The following LRP1B variants were observed in gnomAD, a reference collection of about 807,000 sequenced individuals.
The protein encoded by LRP1B is low-density lipoprotein receptor-related protein 1B.
A neutral mutation model predicts 556.6 loss-of-function variants in LRP1B; 217 were observed. That is an observed-to-expected ratio of 0.39 (90% confidence interval 0.35 to 0.44). The LOEUF is 0.44. Ranked by LOEUF, LRP1B falls within the 20% of genes least tolerant of loss-of-function variation. LRP1B has a pLI of 1.00. For missense variants in LRP1B, 5,053 were observed against 5,620.8 expected (o/e 0.90, Z 3.23); for synonymous variants, 2,047 against 1,865.8 (o/e 1.10, Z -2.50).
intron 2 of LRP1B, among the ~76,000 whole-genome samples, chr2:141,536,447 G>A (rs1008295070): frequency 6.6e-6 from 1 of 151,994 alleles, no homozygotes; most frequent in Admixed American, 6.6e-5. Flanking sequence ...TTTTGTGAAT[G>A]CTATACCCAT....
intron 7 of LRP1B, among the ~76,000 whole-genome samples, chr2:141,176,358 T>A (rs1054266986): frequency 1.3e-5 from 2 of 152,078 alleles, no homozygotes; most frequent in South Asian, 4.1e-4. Flanking sequence ...GAGAGGTGAC[T>A]GGATCATGAG....
At chr2:141,516,252 A>G (rs1405787100) in intron 2 of LRP1B, among the ~76,000 whole-genome samples, 1 of 152,176 alleles carries the variant, frequency 6.6e-6, no homozygotes, top group Non-Finnish European at 1.5e-5. Context: ...AACACTCAGA[A>G]GCATTTCAAA....
chr2:140,506,963 T>C, intron 52 of LRP1B, 45 bp from the exon 53 acceptor site: 1 of 1,590,286 alleles, frequency 6.3e-7, no homozygotes. Flanking sequence ...AGCACATATG[T>C]TATCTTCCCC....
At chr2:140,417,609 T>C (rs912769709) in intron 66 of LRP1B, among the ~76,000 whole-genome samples, 1 of 152,138 alleles carries the variant, frequency 6.6e-6, no homozygotes, top group African/African-American at 2.4e-5. Flanking sequence ...CTTTGAATAA[T>C]TACATATCAG....
At chr2:141,130,201 A>G (rs1368220992) in intron 7 of LRP1B, among the ~76,000 whole-genome samples, 2 of 152,078 alleles carry the variant, frequency 1.3e-5, no homozygotes, top group Non-Finnish European at 2.9e-5. Context: ...GCCAAAAGAA[A>G]AACTGACAAA....
intron 7 of LRP1B, among the ~76,000 whole-genome samples, chr2:141,076,772 G>A (rs950877708): frequency 1.3e-5 from 2 of 152,122 alleles, no homozygotes; most frequent in African/African-American, 4.8e-5. Flanking sequence ...GAATTCTAAA[G>A]CACCTGGCCT....
intron 10 of LRP1B, among the ~76,000 whole-genome samples, chr2:141,049,700 T>C (rs746397829): frequency 6.6e-6 from 1 of 152,080 alleles, no homozygotes; most frequent in Non-Finnish European, 1.5e-5. Flanking sequence ...AAGAATCATA[T>C]AGTATCACTA....
At chr2:142,125,301 C>T (rs1707602558) in intron 1 of LRP1B, among the ~76,000 whole-genome samples, 1 of 151,696 alleles carries the variant, frequency 6.6e-6, no homozygotes, top group South Asian at 2.1e-4. Flanking sequence ...TCTCCTGAAT[C>T]CTTCATTCTC....
chr2:140,931,783 A>G (rs952147276), intron 20 of LRP1B, among the ~76,000 whole-genome samples: 4 of 152,162 alleles, frequency 2.6e-5, no homozygotes, highest in Admixed American at 2.6e-4. Flanking sequence ...AAATATAAGT[A>G]TCAGAAGAAT....
At chr2:140,250,177 A>T (rs937769088) in intron 86 of LRP1B, among the ~76,000 whole-genome samples, 2 of 151,794 alleles carry the variant, frequency 1.3e-5, no homozygotes, top group African/African-American at 2.4e-5. Flanking sequence ...CACCGTAGCA[A>T]ACAGCTCTGT....
intron 84 of LRP1B, among the ~76,000 whole-genome samples, chr2:140,277,451 G>A (rs1410492466): frequency 6.6e-6 from 1 of 151,732 alleles, no homozygotes; most frequent in Non-Finnish European, 1.5e-5. Context: ...GCTGGATGTG[G>A]TGGTGGGCAC....
intron 2 of LRP1B, among the ~76,000 whole-genome samples, chr2:141,684,133 A>G (rs1358734999): frequency 6.6e-6 from 1 of 152,114 alleles, no homozygotes; most frequent in Non-Finnish European, 1.5e-5. Flanking sequence ...AAATCATTCT[A>G]CTATAAAGAC....
intron 66 of LRP1B, among the ~76,000 whole-genome samples, chr2:140,411,327 T>C (rs555644599): frequency 6.6e-6 from 1 of 152,298 alleles, no homozygotes; most frequent in African/African-American, 2.4e-5. Context: ...CTTTATATTA[T>C]ATAATTTCTC....
intron 20 of LRP1B, among the ~76,000 whole-genome samples, chr2:140,930,833 T>C (rs1472669828): frequency 6.6e-6 from 1 of 152,128 alleles, no homozygotes; most frequent in Non-Finnish European, 1.5e-5. Context: ...TTCCTGCACT[T>C]AAGGCAGCCT....
chr2:140,719,431 C>T (rs1346237655), intron 35 of LRP1B, among the ~76,000 whole-genome samples: 2 of 151,776 alleles, frequency 1.3e-5, no homozygotes, highest in East Asian at 1.9e-4. Context: ...AAAGGTACCC[C>T]TTCATTTCAT....
intron 3 of LRP1B, among the ~76,000 whole-genome samples, chr2:141,297,892 C>T (rs567224385): frequency 6.6e-6 from 1 of 152,212 alleles, no homozygotes; most frequent in Admixed American, 6.5e-5. Context: ...AGGTTTGTCA[C>T]CTAGTAGCAA....
intron 2 of LRP1B, among the ~76,000 whole-genome samples, chr2:141,800,400 C>G (rs1159833094): frequency 1.3e-5 from 2 of 152,202 alleles, no homozygotes; most frequent in East Asian, 3.9e-4. Context: ...AAAAGGGGAC[C>G]ATGAATACTA....
chr2:141,218,916 G>A (rs188721292), intron 6 of LRP1B, among the ~76,000 whole-genome samples: 7 of 152,294 alleles, frequency 4.6e-5, no homozygotes, highest in Admixed American at 4.6e-4. Flanking sequence ...GGACTGACTA[G>A]GCAGTTAGTG....
chr2:141,411,414 C>G (rs1449647700), intron 3 of LRP1B, among the ~76,000 whole-genome samples: 2 of 152,010 alleles, frequency 1.3e-5, no homozygotes, highest in African/African-American at 4.8e-5. Flanking sequence ...GAGAGAAAAA[C>G]AGAAAAAGTT....
Sources: allele counts gnomAD v4.1 joint callset (sites outside exome capture counted in the v4.1 genomes callset), GRCh38; gene constraint gnomAD v4.1.1; transcripts MANE v1.5; gene names NCBI Gene and HGNC (gene_info 2026-07-23, HGNC 2026-07-21).